The following PRKCE variants were observed in gnomAD, a reference collection of about 807,000 sequenced individuals.
The protein encoded by PRKCE is protein kinase C epsilon.
Under a neutral mutation model 85.4 loss-of-function variants are expected in PRKCE, and 16 were observed. That is an observed-to-expected ratio of 0.19 (90% CI 0.13 to 0.28). The LOEUF (loss-of-function observed/expected upper bound fraction) is 0.28. Ranked by LOEUF, PRKCE falls within the 10% of genes least tolerant of loss-of-function variation. The probability of loss-of-function intolerance (pLI) is 1.00; values close to 1 mark genes in which losing one functional copy is unlikely to be tolerated. For synonymous variants in PRKCE, 388 were observed against 371.5 expected, an observed-to-expected ratio of 1.04 and a Z score of -0.51; for missense variants, 573 against 975.2, an observed-to-expected ratio of 0.59 and a Z score of 5.49.
rs150981942 is a variant in PRKCE at position 45,805,406 on chromosome 2, G to A, written c.349-37594G>A. Among the ~76,000 whole-genome samples the A allele has an allele frequency of 1.5e-3, 229 of 152,192 alleles. 3 individuals are homozygous for A. In the East Asian group the frequency reaches 0.029, roughly 19 times the overall value. On this transcript the variant is annotated intron_variant, in intron 1 of 14. Transcript: ENST00000306156. ...GTTTGGTTCAGTGTTCCTTCTCAGC[G>A]TTCGTGCCCACACACAAAGGATGCT...
chr2:45,746,583 A>G (rs1215776880), intron 1 of PRKCE, among the ~76,000 whole-genome samples: 1 of 152,180 alleles, frequency 6.6e-6, no homozygotes, highest in Non-Finnish European at 1.5e-5. Context: ...CCTCACTGAA[A>G]TGTGGATAGT....
chr2:45,723,486 C>T (rs1162668870), intron 1 of PRKCE, among the ~76,000 whole-genome samples: 3 of 152,132 alleles, frequency 2.0e-5, no homozygotes, highest in Non-Finnish European at 4.4e-5. Flanking sequence ...GACGGTGTTG[C>T]CCTTTTTTCT....
intron 1 of PRKCE, among the ~76,000 whole-genome samples, chr2:45,761,220 G>A (rs944412154): frequency 2.6e-5 from 4 of 151,418 alleles, no homozygotes; most frequent in South Asian, 2.1e-4. Flanking sequence ...TCAGCTACTC[G>A]GGAGGCTGAG....
At chr2:46,153,062 A>G (rs1676803192) in intron 13 of PRKCE, among the ~76,000 whole-genome samples, 1 of 151,712 alleles carries the variant, frequency 6.6e-6, no homozygotes, top group African/African-American at 2.4e-5. Flanking sequence ...CATTCATTCA[A>G]TGAACTACTA....
intron 6 of PRKCE, among the ~76,000 whole-genome samples, chr2:45,995,351 A>C (rs1317209586): frequency 1.3e-5 from 2 of 151,952 alleles, no homozygotes; most frequent in Non-Finnish European, 2.9e-5. Flanking sequence ...ATTTTAATGA[A>C]GTTCAGCTTA....
chr2:46,159,368 G>A lies in PRKCE; in HGVS notation c.1921-238G>A, dbSNP rs907944918. Among the ~76,000 whole-genome samples the A allele has an allele frequency of 5.9e-5, 9 of 152,166 alleles. No individual in the cohort carries two copies. Among genetic ancestry groups the A allele is most frequent in the Admixed American group, 2.6e-4 (4 of 15,290 alleles). On this transcript the variant is annotated intron_variant, in intron 13 of 14. Transcript: ENST00000306156. The surrounding 1 kb of genome is among the most constrained non-coding windows in gnomAD (Gnocchi z 4.1). ...AATATAGAGACAATGATAGTACCTC[G>A]TAGGGCATTAGGATGAAATGAGTTG...
At chr2:45,790,659 T>C (rs1229627436) in intron 1 of PRKCE, among the ~76,000 whole-genome samples, 1 of 152,268 alleles carries the variant, frequency 6.6e-6, no homozygotes, top group African/African-American at 2.4e-5. Flanking sequence ...CCATTGTGCT[T>C]GCAACCTTGG....
intron 13 of PRKCE, among the ~76,000 whole-genome samples, chr2:46,158,263 C>T (rs1677411008): frequency 6.6e-6 from 1 of 152,084 alleles, no homozygotes; most frequent in African/African-American, 2.4e-5. Context: ...TTGACTAGTT[C>T]CTAGAGGAGG....
chr2:45,793,794 T>C (rs1167408458), intron 1 of PRKCE, among the ~76,000 whole-genome samples: 1 of 152,230 alleles, frequency 6.6e-6, no homozygotes, highest in African/African-American at 2.4e-5. Flanking sequence ...GGGCTAAACC[T>C]GTGCTGGTGC....
intron 1 of PRKCE, among the ~76,000 whole-genome samples, chr2:45,839,697 T>C (rs1271530139): frequency 1.3e-5 from 2 of 152,126 alleles, no homozygotes; most frequent in African/African-American, 2.4e-5. Context: ...ATTAAACTAA[T>C]TCAGCGGTGA....
intron 1 of PRKCE, among the ~76,000 whole-genome samples, chr2:45,794,112 T>C (rs1162557504): frequency 6.6e-6 from 1 of 152,140 alleles, no homozygotes; most frequent in Non-Finnish European, 1.5e-5. Flanking sequence ...TTTCAGCTTG[T>C]TGCAAATGGA....
chr2:45,666,240 G>A (rs1675904850), intron 1 of PRKCE, among the ~76,000 whole-genome samples: 1 of 152,156 alleles, frequency 6.6e-6, no homozygotes, highest in African/African-American at 2.4e-5. Flanking sequence ...AGCTATAGGA[G>A]GGGTTTTTAT....
intron 11 of PRKCE, among the ~76,000 whole-genome samples, chr2:46,095,341 T>C (rs923045157): frequency 6.6e-6 from 1 of 152,198 alleles, no homozygotes; most frequent in Non-Finnish European, 1.5e-5. Context: ...GCTTCCAGAA[T>C]ACACATGTTT....
In PRKCE at chr2:46,139,684, G is replaced by GTA. The variant is rs10699349; in HGVS notation, c.1593-5401_1593-5400dup. Among the ~76,000 whole-genome samples, 13,113 of 150,636 alleles carry GTA rather than the reference G, an allele frequency of 0.087. 1,836 individuals are homozygous for GTA. Among genetic ancestry groups the GTA allele is most frequent in the African/African-American group, 0.29 (11,926 of 40,808 alleles). On this transcript the variant is annotated intron_variant, in intron 11 of 14. Coordinates refer to ENST00000306156, the MANE Select transcript of PRKCE (RefSeq NM_005400.3). This position sits in a 1 kb window ranked among gnomAD's most constrained non-coding sequence, Gnocchi z 5.2. ...TAGAGGAACATATATATATATATGC[G>GTA]TATATATATGTGTGTGTATATATAT...
intron 1 of PRKCE, among the ~76,000 whole-genome samples, chr2:45,659,792 A>C (rs773201626): frequency 6.6e-6 from 1 of 150,948 alleles, no homozygotes; most frequent in Non-Finnish European, 1.5e-5. Context: ...AATCCTATCT[A>C]AAAGTTCACC....
chr2:46,045,250 C>T (rs1304734433), intron 10 of PRKCE, among the ~76,000 whole-genome samples: 8 of 152,216 alleles, frequency 5.3e-5, no homozygotes, highest in African/African-American at 9.7e-5. Flanking sequence ...TACATACATA[C>T]ACCCTCATGT....
At chr2:45,832,432 C>T (rs551943100) in intron 1 of PRKCE, among the ~76,000 whole-genome samples, 36 of 151,834 alleles carry the variant, frequency 2.4e-4, no homozygotes, top group East Asian at 1.7e-3. Context: ...TCTGCCTCAG[C>T]CTCCCTAGTA....
chr2:45,977,221 C>T (rs919795815), intron 3 of PRKCE, among the ~76,000 whole-genome samples: 3 of 151,996 alleles, frequency 2.0e-5, no homozygotes, highest in African/African-American at 7.3e-5. Context: ...AAAAAGAATA[C>T]TTATCTTTTA....
chr2:45,859,900 G>A (rs1243722275), intron 2 of PRKCE, among the ~76,000 whole-genome samples: 1 of 152,116 alleles, frequency 6.6e-6, no homozygotes, highest in African/African-American at 2.4e-5. Flanking sequence ...GTGCATGAAA[G>A]CTCATTTTGA....
Sources: allele counts gnomAD v4.1 joint callset (sites outside exome capture counted in the v4.1 genomes callset), GRCh38; gene constraint gnomAD v4.1.1; non-coding constraint Gnocchi (gnomAD v3.1); transcripts MANE v1.5; gene names NCBI Gene and HGNC (gene_info 2026-07-23, HGNC 2026-07-21).